Variants in TMEM106A observed in about 807,000 individuals in gnomAD.
TMEM106A encodes the protein transmembrane protein 106A.
TMEM106A carries 22 observed loss-of-function variants against 25.1 expected under a neutral mutation model. The observed-to-expected ratio is 0.88, with a 90% confidence interval of 0.63 to 1.25. The LOEUF (loss-of-function observed/expected upper bound fraction) is 1.25. Among genes scored for constraint, TMEM106A ranks in the 50% most tolerant of loss-of-function variants. The pLI, the probability that TMEM106A is intolerant of heterozygous loss-of-function variation, is 0.00. For missense variants in TMEM106A, 275 were observed against 318.1 expected, an observed-to-expected ratio of 0.86 and a Z score of 1.03; for synonymous variants, 104 against 129.9, an observed-to-expected ratio of 0.80 and a Z score of 1.35.
chr17:43,217,975 A>G lies in TMEM106A; in HGVS notation c.*174A>G. Reference sequence around the variant, plus strand: ...AAGCTTGCTTTGAAGTTAACTTCATACACACACACTCATATCCTCCAGTTT... The same window carrying G: ...AAGCTTGCTTTGAAGTTAACTTCATGCACACACACTCATATCCTCCAGTTT... On this transcript the variant is annotated 3_prime_UTR_variant, in exon 9 of 9. Coordinates refer to ENST00000612339, the MANE Select transcript of TMEM106A (RefSeq NM_145041.4). The G allele has an allele frequency of 6.0e-6, 5 of 837,500 alleles. No homozygotes were observed. Among genetic ancestry groups the G allele is most frequent in the East Asian group, 5.1e-5 (2 of 39,574 alleles). 51.9% of individuals were successfully genotyped at this position (837,500 alleles called of 1,614,324 possible). A position where few individuals can be genotyped will look rare whatever the true frequency, so the allele number is the denominator to read the frequency against.
Position 43,215,745 on chromosome 17 carries a change from C to T in TMEM106A, c.276-43C>T, listed in dbSNP as rs768953776. The T allele has an allele frequency of 2.0e-5, 33 of 1,610,070 alleles. No homozygotes were observed. In the South Asian group the frequency reaches 3.6e-4, roughly 18 times the overall value. ...CCCCTCTCCGAGTTTCCTTGGTGTT[C>T]AGACTTTTCCATTCCTCCATCCTGG... On this transcript the variant is annotated intron_variant, in intron 4 of 8. Transcript: ENST00000612339.
intron 8 of TMEM106A, 133 bp downstream of exon 8, chr17:43,217,445 T>A: frequency 7.6e-7 from 1 of 1,309,800 alleles, no homozygotes; most frequent in African/African-American, 1.5e-5. Flanking sequence ...ATAGCAAGTC[T>A]AGCCCCTTTT....
chr17:43,214,406 T>C (rs538192780), intron 4 of TMEM106A, among the ~76,000 whole-genome samples: 4 of 152,184 alleles, frequency 2.6e-5, no homozygotes, highest in Admixed American at 2.6e-4. Context: ...CTGGCTGCAA[T>C]TGATTTGAAA....
chr17:43,217,060 G>C (rs1180139796), intron 7 of TMEM106A, 199 bp from the exon 8 acceptor site: 1 of 651,760 alleles, frequency 1.5e-6, no homozygotes, highest in East Asian at 2.6e-5. Flanking sequence ...GGCCAAGTGA[G>C]TGGAGGTCAG....
Position 43,217,908 on chromosome 17 carries a change from C to G in TMEM106A, c.*107C>G, listed in dbSNP as rs2057502082. 2.6e-6 allele frequency: 4 copies of G among 1,533,542 alleles called. No individual in the cohort carries two copies. The highest frequency in any genetic ancestry group is 3.5e-6 in the Non-Finnish European group (4 of 1,131,444). 95.0% of individuals were successfully genotyped at this position (1,533,542 alleles called of 1,614,324 possible). On this transcript the variant is annotated 3_prime_UTR_variant, in exon 9 of 9. Transcript: ENST00000612339. ...ACAGAGGCTTTGCCAAAGGAGAAGC[C>G]CTGCCTCATCACACCCTTACCTCCC...
intron 5 of TMEM106A, 139 bp from the exon 6 acceptor site, chr17:43,216,310 C>A: frequency 8.4e-7 from 1 of 1,197,306 alleles, no homozygotes; most frequent in Non-Finnish European, 1.2e-6. Flanking sequence ...CTCCAAGGGG[C>A]TCCCAGTTTT....
At chr17:43,217,024 C>T in intron 7 of TMEM106A, 1 of 627,134 alleles carries the variant, frequency 1.6e-6, no homozygotes, top group Non-Finnish European at 2.8e-6. Context: ...TGTCTGTCTC[C>T]TGAATGGGGG....
At chr17:43,215,133 C>T (rs1463714414) in intron 4 of TMEM106A, among the ~76,000 whole-genome samples, 3 of 151,960 alleles carry the variant, frequency 2.0e-5, no homozygotes, top group African/African-American at 7.3e-5. Context: ...ATCCCAGCTA[C>T]TCAGGAGGCT....
chr17:43,218,122 G>A lies in TMEM106A; in HGVS notation c.*321G>A, dbSNP rs2057504190. 1 of 264,992 alleles carries A rather than the reference G, an allele frequency of 3.8e-6. No homozygotes were observed. Among genetic ancestry groups the A allele is most frequent in the South Asian group, 4.8e-5 (1 of 20,918 alleles). The allele number at this position is 264,992 out of a possible 1,614,324, so 16.4% of individuals were successfully genotyped here. A position where few individuals can be genotyped will look rare whatever the true frequency, so the allele number is the denominator to read the frequency against. On this transcript the variant is annotated 3_prime_UTR_variant, in exon 9 of 9. Transcript: ENST00000612339. ...TGGTTTTGAACTCCTGGGCTCAAGC[G>A]ATCCTCCCTTCTTGGCCTCCCAAAG...
rs765169041 is a variant in TMEM106A at position 43,217,744 on chromosome 17, T to C, written c.732T>C (p.Tyr244=). 1 of 1,614,206 alleles carries C rather than the reference T, an allele frequency of 6.2e-7. No homozygotes were observed. The highest frequency in any genetic ancestry group is 1.1e-5 in the South Asian group (1 of 91,080). The change falls in exon 9 of 9, where the codon TAT becomes TAC. Residue 244 remains tyrosine (Y), a synonymous_variant. Transcript: ENST00000612339. ...SEQLVFQSYE[Y]VDCRGNASVP... is the part of the protein sequence containing the mutation. ...AGCTGGTCTTTCAGAGCTATGAATA[T>C]GTGGACTGCCGAGGAAACGCATCTG...
chr17:43,213,953 C>T, intron 4 of TMEM106A, 62 bp downstream of exon 4: 1 of 1,555,046 alleles, frequency 6.4e-7, no homozygotes, highest in Non-Finnish European at 8.9e-7. Flanking sequence ...CTCCCTTTGT[C>T]TCCCCTGTTT....
intron 8 of TMEM106A, 127 bp downstream of exon 8, chr17:43,217,439 C>A: frequency 2.3e-6 from 3 of 1,323,954 alleles, no homozygotes; most frequent in Non-Finnish European, 3.2e-6. Flanking sequence ...TTGGGAATAG[C>A]AAGTCTAGCC....
chr17:43,215,344 G>GTC (rs1214884845), intron 4 of TMEM106A, among the ~76,000 whole-genome samples: 1 of 152,202 alleles, frequency 6.6e-6, no homozygotes, highest in African/African-American at 2.4e-5. Context: ...GATGGATGGT[G>GTC]TCCTGTTCTG....
At chr17:43,217,429 T>A (rs184835376) in intron 8 of TMEM106A, 117 bp downstream of exon 8, 876 of 1,379,924 alleles carry the variant, frequency 6.3e-4, no homozygotes, top group Non-Finnish European at 8.2e-4. Flanking sequence ...TTGTTGGCTC[T>A]TGGGAATAGC....
intron 2 of TMEM106A, among the ~76,000 whole-genome samples, chr17:43,212,597 G>A (rs1021239278): frequency 3.3e-5 from 5 of 152,020 alleles, no homozygotes; most frequent in African/African-American, 1.2e-4. Flanking sequence ...TTTAGATAGG[G>A]GTCTTAACCA....
In TMEM106A at chr17:43,215,935, C is replaced by T. The variant is rs772730535; in HGVS notation, c.423C>T (p.Asn141=). ...VAFDEADIYL[N]ITNILNISNG... ...TTGATGAGGCTGATATCTACCTCAACATAACGGTGGGTGGGTGCCCTTGGC... is the reference window on the plus strand; with the variant it reads ...TTGATGAGGCTGATATCTACCTCAATATAACGGTGGGTGGGTGCCCTTGGC... Residue 141 remains asparagine, a synonymous_variant, in exon 5 of 9, where the codon AAC becomes AAT. Transcript: ENST00000612339. 13 of 1,614,110 alleles carry T rather than the reference C, an allele frequency of 8.1e-6. No individual in the cohort carries two copies. Among genetic ancestry groups the T allele is most frequent in the Non-Finnish European group, 4.2e-6 (5 of 1,180,018 alleles).
At chr17:43,216,978 C>T in intron 7 of TMEM106A, 1 of 628,368 alleles carries the variant, frequency 1.6e-6, no homozygotes, top group East Asian at 2.7e-5. Context: ...TGACCTTGGG[C>T]TCTTCAGCCT....
chr17:43,213,385 G>T (rs2057455083), intron 3 of TMEM106A, 133 bp downstream of exon 3: 1 of 929,682 alleles, frequency 1.1e-6, no homozygotes, highest in Non-Finnish European at 1.6e-6. Flanking sequence ...CCAGTCTCAG[G>T]CTGGCCAGGG....
Position 43,218,048 on chromosome 17 carries a change from T to G in TMEM106A, c.*247T>G. On this transcript the variant is annotated 3_prime_UTR_variant, in exon 9 of 9. Transcript: ENST00000612339. ...GCCATCAGATTCTGCCCTTGGTTAG[T>G]TTTTTGTTTTTTTTTTGGTAGAGAC... The G allele has an allele frequency of 2.0e-6, 1 of 492,156 alleles. No individual in the cohort carries two copies. Among genetic ancestry groups the G allele is most frequent in the Non-Finnish European group, 3.5e-6 (1 of 282,440 alleles). The allele number at this position is 492,156 out of a possible 1,614,324, so 30.5% of individuals were successfully genotyped here. A position where few individuals can be genotyped will look rare whatever the true frequency, so the allele number is the denominator to read the frequency against.
Sources: gnomAD v4.1 joint callset for allele counts (sites outside exome capture counted in the v4.1 genomes callset) on GRCh38, gnomAD v4.1.1 for gene constraint, MANE v1.5 for transcripts, NCBI Gene and HGNC (gene_info 2026-07-23, HGNC 2026-07-21) for gene names.